The following SORCS1 variants were observed in gnomAD, a reference collection of about 807,000 sequenced individuals.
SORCS1 encodes the protein sortilin related VPS10 domain containing receptor 1, also known as VPS10 domain-containing receptor SorCS1.
SORCS1 carries 60 observed loss-of-function variants against 146.1 expected under a neutral mutation model. That is an observed-to-expected ratio of 0.41 (90% CI 0.33 to 0.51). The LOEUF is 0.51. SORCS1 is among the 20% of genes least tolerant of loss of function. The pLI is 0.21. For synonymous variants in SORCS1, 637 were observed against 584.0 expected (o/e 1.09, Z -1.31); for missense variants, 1,352 against 1,487.6 (o/e 0.91, Z 1.50).
intron 1 of SORCS1, among the ~76,000 whole-genome samples, chr10:107,009,217 A>C (rs1957584756): frequency 6.6e-6 from 1 of 152,266 alleles, no homozygotes; most frequent in African/African-American, 2.4e-5. Flanking sequence ...AAAAGCAACA[A>C]CAGGAAAAAC....
intron 1 of SORCS1, among the ~76,000 whole-genome samples, chr10:106,973,418 A>G (rs931041118): frequency 5.9e-5 from 9 of 152,182 alleles, no homozygotes; most frequent in African/African-American, 1.9e-4. Context: ...AGAAAATGCA[A>G]ATCTCCCAGG....
At chr10:106,583,837 G>C (rs1037215234) in intron 24 of SORCS1, among the ~76,000 whole-genome samples, 2 of 151,936 alleles carry the variant, frequency 1.3e-5, no homozygotes, top group East Asian at 3.9e-4. Flanking sequence ...CCCTTTGCTC[G>C]GTTTCTTTCC....
chr10:107,113,127 T>C (rs1472397825), intron 1 of SORCS1, among the ~76,000 whole-genome samples: 1 of 152,134 alleles, frequency 6.6e-6, no homozygotes, highest in Admixed American at 6.5e-5. Context: ...TCTTAACAAA[T>C]TTGAGAAGAC....
intron 23 of SORCS1, among the ~76,000 whole-genome samples, chr10:106,601,811 T>C (rs1413068528): frequency 1.3e-5 from 2 of 152,206 alleles, no homozygotes; most frequent in South Asian, 2.1e-4. Context: ...CTAGCAAAAT[T>C]CTACAATGTG....
Position 106,761,723 on chromosome 10 carries a change from A to T in SORCS1, c.886-62T>A, listed in dbSNP as rs1411990471. 6.7e-6 allele frequency: 9 copies of T among 1,352,654 alleles called. No homozygotes were observed. In the African/African-American group the frequency reaches 1.3e-4, roughly 19 times the overall value. 83.8% of individuals were successfully genotyped at this position (1,352,654 alleles called of 1,614,324 possible). A position where few individuals can be genotyped will look rare whatever the true frequency, so the allele number is the denominator to read the frequency against. ...ATAGTACATCAAATACACAAACATC[A>T]GTTCATTGGATCAATAGTAATAATA... On this transcript the variant is annotated intron_variant, in intron 4 of 25. Coordinates refer to ENST00000263054, the MANE Select transcript of SORCS1 (RefSeq NM_052918.5).
chr10:106,710,097 A>T (rs887298455), intron 6 of SORCS1, among the ~76,000 whole-genome samples: 2 of 152,218 alleles, frequency 1.3e-5, no homozygotes, highest in Non-Finnish European at 2.9e-5. Context: ...GATAAAAATG[A>T]TGTGGTTATA....
chr10:107,057,730 T>C (rs1199421518), intron 1 of SORCS1, among the ~76,000 whole-genome samples: 1 of 152,208 alleles, frequency 6.6e-6, no homozygotes, highest in African/African-American at 2.4e-5. Flanking sequence ...AAAGAACACA[T>C]ATATCCTTTT....
At chr10:107,056,891 A>G (rs1960693140) in intron 1 of SORCS1, among the ~76,000 whole-genome samples, 1 of 152,194 alleles carries the variant, frequency 6.6e-6, no homozygotes, top group Non-Finnish European at 1.5e-5. Context: ...TATTTCAAAC[A>G]AGACAATTTA....
In SORCS1 at chr10:106,986,584, C is replaced by G. The variant is rs182824922; in HGVS notation, c.559-30004G>C. 5.2e-3 allele frequency among the ~76,000 whole-genome samples: 792 copies of G among 151,868 alleles called. 3 individuals are homozygous for G. The highest frequency in any genetic ancestry group is 0.018 in the African/African-American group (749 of 41,388). On this transcript the variant is annotated intron_variant, in intron 1 of 25. Transcript: ENST00000263054. ...TGTAACTTTTTTATACCCCATCTCT[C>G]TCTTTCCTCACTGGTACTCTATGTA...
At chr10:106,786,198 C>T (rs142082296) in intron 3 of SORCS1, among the ~76,000 whole-genome samples, 151 of 152,254 alleles carry the variant, frequency 9.9e-4, no homozygotes, top group African/African-American at 3.3e-3. Context: ...TATCTCAGAA[C>T]AGTGGCTTCA....
chr10:107,110,314 T>C (rs765028579), intron 1 of SORCS1, among the ~76,000 whole-genome samples: 14 of 152,218 alleles, frequency 9.2e-5, no homozygotes, highest in Non-Finnish European at 1.8e-4. Flanking sequence ...TATAAAGAAA[T>C]ACCTAAGACA....
intron 8 of SORCS1, among the ~76,000 whole-genome samples, chr10:106,699,874 C>A (rs776708457): frequency 4.2e-4 from 64 of 152,138 alleles, no homozygotes; most frequent in Non-Finnish European, 8.4e-4. Flanking sequence ...ACATATAGAA[C>A]CTTGGGCCTC....
chr10:106,626,778 T>C lies in SORCS1; in HGVS notation c.2662+2424A>G, dbSNP rs140642910. ...ATGTCAGAATCTGCTGAAACAGTTATATGAGTTTATATGTATGTGAGTTAG... is the reference window on the plus strand; with the variant it reads ...ATGTCAGAATCTGCTGAAACAGTTACATGAGTTTATATGTATGTGAGTTAG... On this transcript the variant is annotated intron_variant, in intron 19 of 25. Transcript: ENST00000263054. 2.7e-3 allele frequency among the ~76,000 whole-genome samples: 411 copies of C among 152,316 alleles called. 3 individuals are homozygous for C. The highest frequency in any genetic ancestry group is 3.9e-3 in the Non-Finnish European group (263 of 68,028).
Position 106,730,660 on chromosome 10 carries a change from T to A in SORCS1, c.960-546A>T, listed in dbSNP as rs558018371. ...GAAGAGAAATAGATGCACCTCACTT[T>A]CTGATACGTGCCTGAAACCATATGT... On this transcript the variant is annotated intron_variant, in intron 5 of 25. Transcript: ENST00000263054. Among the ~76,000 whole-genome samples, 484 of 152,320 alleles carry A rather than the reference T, an allele frequency of 3.2e-3. 13 individuals are homozygous for A. Among genetic ancestry groups the A allele is most frequent in the Non-Finnish European group, 7.1e-4 (48 of 68,028 alleles).
chr10:106,638,372 A>G (rs1407344110), intron 18 of SORCS1, among the ~76,000 whole-genome samples: 1 of 152,100 alleles, frequency 6.6e-6, no homozygotes, highest in African/African-American at 2.4e-5. Context: ...TAACAGAAAT[A>G]TGTTAGCTTT....
At chr10:106,689,205 T>G (rs981234989) in intron 9 of SORCS1, among the ~76,000 whole-genome samples, 4 of 152,234 alleles carry the variant, frequency 2.6e-5, no homozygotes, top group Non-Finnish European at 5.9e-5. Flanking sequence ...TAGTAATTAG[T>G]AATTTGTCAA....
chr10:106,969,318 C>T (rs1051036403), intron 1 of SORCS1, among the ~76,000 whole-genome samples: 3 of 152,156 alleles, frequency 2.0e-5, no homozygotes, highest in Non-Finnish European at 4.4e-5. Context: ...TATCTAACTC[C>T]ATCTAACTCC....
intron 1 of SORCS1, among the ~76,000 whole-genome samples, chr10:107,094,903 G>A (rs959778071): frequency 5.3e-5 from 8 of 152,274 alleles, no homozygotes; most frequent in South Asian, 4.1e-4. Flanking sequence ...TAATAGAAGC[G>A]TCATAGACAG....
At chr10:106,789,580 T>G (rs1564659094) in intron 3 of SORCS1, among the ~76,000 whole-genome samples, 1 of 152,130 alleles carries the variant, frequency 6.6e-6, no homozygotes, top group Non-Finnish European at 1.5e-5. Context: ...CCCAACAAAT[T>G]CCTCATCTCT....
Sources: allele counts gnomAD v4.1 joint callset (sites outside exome capture counted in the v4.1 genomes callset), GRCh38; gene constraint gnomAD v4.1.1; transcripts MANE v1.5; gene names NCBI Gene and HGNC (gene_info 2026-07-23, HGNC 2026-07-21).